Variants in FAF1 observed in about 807,000 individuals in gnomAD.
FAF1 encodes FAS-associated factor 1.
Under a neutral mutation model 92.5 loss-of-function variants are expected in FAF1, and 25 were observed. That is an observed-to-expected ratio of 0.27 (90% CI 0.20 to 0.38). The LOEUF (loss-of-function observed/expected upper bound fraction) is 0.38. Among genes scored for constraint, FAF1 ranks in the 10% least tolerant of loss-of-function variants. The probability of loss-of-function intolerance (pLI) is 1.00; values close to 1 mark genes in which losing one functional copy is unlikely to be tolerated. For synonymous variants in FAF1, 234 were observed against 273.2 expected, an observed-to-expected ratio of 0.86 and a Z score of 1.42; for missense variants, 636 against 793.3, an observed-to-expected ratio of 0.80 and a Z score of 2.38.
At chr1:50,730,585 C>A (rs982930278) in intron 6 of FAF1, among the ~76,000 whole-genome samples, 1 of 152,182 alleles carries the variant, frequency 6.6e-6, no homozygotes, top group Non-Finnish European at 1.5e-5. Flanking sequence ...GTAGTGAATT[C>A]TTTAATTTTA....
chr1:50,915,192 G>C (rs1467298007), intron 1 of FAF1, among the ~76,000 whole-genome samples: 1 of 152,060 alleles, frequency 6.6e-6, no homozygotes, highest in Non-Finnish European at 1.5e-5. Flanking sequence ...TCAACATGGA[G>C]AAATCCTGTC....
chr1:50,835,633 T>C (rs1216004392), intron 2 of FAF1, among the ~76,000 whole-genome samples: 1 of 151,644 alleles, frequency 6.6e-6, no homozygotes, highest in Non-Finnish European at 1.5e-5. Context: ...AAATCTCTAT[T>C]ATGAAACTGT....
chr1:50,644,428 C>T (rs1361259433), intron 8 of FAF1, among the ~76,000 whole-genome samples: 1 of 152,230 alleles, frequency 6.6e-6, no homozygotes, highest in Non-Finnish European at 1.5e-5. Flanking sequence ...TTTGCTTAGC[C>T]TTCTGGATTT....
At chr1:50,604,436 C>A (rs1312997057) in intron 8 of FAF1, among the ~76,000 whole-genome samples, 1 of 152,204 alleles carries the variant, frequency 6.6e-6, no homozygotes, top group Admixed American at 6.5e-5. Context: ...AAGTGTTTGT[C>A]CCAAGTCTCA....
intron 8 of FAF1, among the ~76,000 whole-genome samples, chr1:50,602,095 C>T (rs1320686133): frequency 6.6e-6 from 1 of 152,152 alleles, no homozygotes; most frequent in Non-Finnish European, 1.5e-5. Flanking sequence ...TTGGTTATGT[C>T]ACCTGCAGAC....
intron 15 of FAF1, among the ~76,000 whole-genome samples, chr1:50,493,277 C>T (rs71651147): frequency 0.035 from 5,305 of 152,236 alleles, 129 homozygotes; most frequent in Non-Finnish European, 0.055. Flanking sequence ...AAGTGATCTG[C>T]CTGCCTTGGC....
chr1:50,869,477 G>T (rs1331549204), intron 1 of FAF1, among the ~76,000 whole-genome samples: 1 of 152,020 alleles, frequency 6.6e-6, no homozygotes, highest in Non-Finnish European at 1.5e-5. Context: ...TATATGACAT[G>T]GTGTTTGTTG....
chr1:50,466,666 G>T (rs1009441028), intron 18 of FAF1, among the ~76,000 whole-genome samples: 2 of 152,182 alleles, frequency 1.3e-5, no homozygotes, highest in Non-Finnish European at 2.9e-5. Flanking sequence ...TTACTGTAAT[G>T]ATAATAATGG....
intron 14 of FAF1, among the ~76,000 whole-genome samples, chr1:50,536,928 A>G (rs773237083): frequency 2.0e-5 from 3 of 152,184 alleles, no homozygotes; most frequent in Admixed American, 6.6e-5. Flanking sequence ...GGTAGTTAAT[A>G]TTAATAGATA....
At chr1:50,537,616 T>A (rs2149039015) in intron 14 of FAF1, among the ~76,000 whole-genome samples, 1 of 152,320 alleles carries the variant, frequency 6.6e-6, no homozygotes, top group African/African-American at 2.4e-5. Context: ...CATTACATGT[T>A]AATATAAATA....
In FAF1 at chr1:50,956,547, T is replaced by C. The variant is rs1645268428; in HGVS notation, c.45+3220A>G. Among the ~76,000 whole-genome samples the C allele has an allele frequency of 3.3e-5, 5 of 152,358 alleles. No homozygotes were observed. The South Asian group carries it at 1.0e-3, about 32-fold the overall frequency. On this transcript the variant is annotated intron_variant, in intron 1 of 18. Coordinates refer to ENST00000396153, the MANE Select transcript of FAF1 (RefSeq NM_007051.3). ...CTCACAATCATATGATATAAACATGTAATTTTACCATATTCACTTTTGGTG... is the reference window on the plus strand; with the variant it reads ...CTCACAATCATATGATATAAACATGCAATTTTACCATATTCACTTTTGGTG...
At chr1:50,651,908 G>C (rs931852410) in intron 8 of FAF1, among the ~76,000 whole-genome samples, 1 of 152,186 alleles carries the variant, frequency 6.6e-6, no homozygotes, top group African/African-American at 2.4e-5. Context: ...TATTTGGCCA[G>C]GATCTCCTCA....
chr1:50,692,913 T>G (rs1455666548), intron 7 of FAF1, among the ~76,000 whole-genome samples: 2 of 152,214 alleles, frequency 1.3e-5, no homozygotes, highest in African/African-American at 4.8e-5. Context: ...TCAATTAGAT[T>G]ATTTGTCTTT....
At chr1:50,923,223 G>T (rs12071359) in intron 1 of FAF1, among the ~76,000 whole-genome samples, 1 of 151,884 alleles carries the variant, frequency 6.6e-6, no homozygotes, top group African/African-American at 2.4e-5. Flanking sequence ...GTTCATGACC[G>T]GCCTGGGCAA....
chr1:50,801,757 T>G, intron 2 of FAF1, 80 bp from the exon 3 acceptor site: 1 of 805,598 alleles, frequency 1.2e-6, no homozygotes, highest in Non-Finnish European at 2.1e-6. Context: ...TAAAAGGAAA[T>G]AAGTATATTT....
At chr1:50,846,785 G>T in intron 2 of FAF1, 1 of 700,144 alleles carries the variant, frequency 1.4e-6, no homozygotes. Context: ...AATGTGAAGG[G>T]ATTGTCCCAA....
intron 6 of FAF1, among the ~76,000 whole-genome samples, chr1:50,730,276 A>G (rs946608330): frequency 6.6e-6 from 1 of 151,998 alleles, no homozygotes; most frequent in Non-Finnish European, 1.5e-5. Flanking sequence ...ATTTTGAAAT[A>G]ATTTATTAAT....
chr1:50,805,625 C>T (rs1032016097), intron 2 of FAF1, among the ~76,000 whole-genome samples: 1 of 152,116 alleles, frequency 6.6e-6, no homozygotes, highest in Non-Finnish European at 1.5e-5. Flanking sequence ...AAAACAGTGG[C>T]ATGTAATATA....
chr1:50,819,318 G>A (rs754733456), intron 2 of FAF1, among the ~76,000 whole-genome samples: 2 of 151,890 alleles, frequency 1.3e-5, no homozygotes, highest in African/African-American at 2.4e-5. Context: ...TTTAAAATCC[G>A]TATGTTTTAC....
Sources: gnomAD v4.1 joint callset for allele counts (sites outside exome capture counted in the v4.1 genomes callset) on GRCh38, gnomAD v4.1.1 for gene constraint, MANE v1.5 for transcripts, NCBI Gene and HGNC (gene_info 2026-07-23, HGNC 2026-07-21) for gene names.